The following CERS6 variants were observed in gnomAD, a reference collection of about 807,000 sequenced individuals.
CERS6 encodes the protein ceramide synthase 6.
Under a neutral mutation model 56.8 loss-of-function variants are expected in CERS6, and 26 were observed. The ratio of observed to expected loss-of-function variants is 0.46; its 90% CI spans 0.34 to 0.63. CERS6 has a LOEUF of 0.63. CERS6 is among the 30% of genes least tolerant of loss of function. The pLI, the probability that CERS6 is intolerant of heterozygous loss-of-function variation, is 0.01. For missense variants in CERS6, 415 were observed against 467.5 expected (o/e 0.89, Z 1.04); for synonymous variants, 164 against 173.3 (o/e 0.95, Z 0.42).
chr2:168,750,655 CATTA>C (rs958267506), intron 8 of CERS6, among the ~76,000 whole-genome samples: 38 of 152,112 alleles, frequency 2.5e-4, no homozygotes, highest in African/African-American at 9.2e-4. Flanking sequence ...TATTTTAGGG[CATTA>C]ATTAGGATGT....
At chr2:168,514,405 T>C (rs1694849823) in intron 1 of CERS6, among the ~76,000 whole-genome samples, 2 of 152,362 alleles carry the variant, frequency 1.3e-5, no homozygotes, top group African/African-American at 4.8e-5. Flanking sequence ...AATAGCCATT[T>C]ATTGATTACA....
chr2:168,705,729 G>A (rs948143418), intron 6 of CERS6, among the ~76,000 whole-genome samples: 2 of 152,128 alleles, frequency 1.3e-5, no homozygotes, highest in Non-Finnish European at 2.9e-5. Flanking sequence ...GGATGTTTCT[G>A]ATTTTAGTAG....
At chr2:168,595,906 A>G (rs974652878) in intron 3 of CERS6, among the ~76,000 whole-genome samples, 3 of 151,994 alleles carry the variant, frequency 2.0e-5, no homozygotes, top group Non-Finnish European at 4.4e-5. Flanking sequence ...CGGACTTCAT[A>G]TTTTCTTCCA....
intron 1 of CERS6, among the ~76,000 whole-genome samples, chr2:168,532,773 TA>T (rs1333255359): frequency 2.0e-5 from 3 of 152,212 alleles, no homozygotes; most frequent in Non-Finnish European, 2.9e-5. Flanking sequence ...AAACATTTTT[TA>T]AAGAATATAA....
chr2:168,654,143 G>C (rs547684924), intron 4 of CERS6, among the ~76,000 whole-genome samples: 78 of 152,254 alleles, frequency 5.1e-4, no homozygotes, highest in Middle Eastern at 6.8e-3. Context: ...TAGAATATTA[G>C]GTAAAATGAT....
intron 4 of CERS6, among the ~76,000 whole-genome samples, chr2:168,674,028 C>T (rs1289992871): frequency 6.6e-6 from 1 of 152,076 alleles, no homozygotes; most frequent in African/African-American, 2.4e-5. Context: ...TGTTTGGAGT[C>T]ATGATTCGTA....
intron 1 of CERS6, among the ~76,000 whole-genome samples, chr2:168,470,602 C>G (rs1558961631): frequency 1.3e-5 from 2 of 152,160 alleles, no homozygotes; most frequent in African/African-American, 4.8e-5. Flanking sequence ...AGACCATAAA[C>G]TTTTTTGTTT....
At chr2:168,629,887 C>T (rs958726651) in intron 3 of CERS6, among the ~76,000 whole-genome samples, 5 of 151,266 alleles carry the variant, frequency 3.3e-5, no homozygotes, top group African/African-American at 1.2e-4. Context: ...GGGATCTCGG[C>T]TCACTGCAAG....
rs1196447914 is a variant in CERS6, at chr2:168,769,750, T to A, written c.*88T>A. The A allele has an allele frequency of 7.2e-7, 1 of 1,381,948 alleles. No individual in the cohort carries two copies. Among genetic ancestry groups the A allele is most frequent in the African/African-American group, 1.5e-5 (1 of 68,634 alleles). 85.6% of individuals were successfully genotyped at this position (1,381,948 alleles called of 1,614,324 possible). A position where few individuals can be genotyped will look rare whatever the true frequency, so the allele number is the denominator to read the frequency against. ...TGCAAATGCAGTTCCTTTCATAATA[T>A]CTCAGCACCAGAAACAAAAATTAAG... On this transcript the variant is annotated 3_prime_UTR_variant, in exon 10 of 10. Coordinates refer to ENST00000305747, the MANE Select transcript of CERS6 (RefSeq NM_203463.3).
At chr2:168,623,943 A>C (rs559526071) in intron 3 of CERS6, among the ~76,000 whole-genome samples, 1 of 152,200 alleles carries the variant, frequency 6.6e-6, no homozygotes, top group African/African-American at 2.4e-5. Flanking sequence ...TGGGTCTTCT[A>C]TCTGTAGAAT....
At chr2:168,474,833 CA>C (rs1694040947) in intron 1 of CERS6, among the ~76,000 whole-genome samples, 1 of 152,144 alleles carries the variant, frequency 6.6e-6, no homozygotes, top group Admixed American at 6.5e-5. Flanking sequence ...TCCTTTACAA[CA>C]AATAAAAGTC....
chr2:168,484,574 A>G (rs1426258414), intron 1 of CERS6, among the ~76,000 whole-genome samples: 1 of 152,100 alleles, frequency 6.6e-6, no homozygotes, highest in African/African-American at 2.4e-5. Context: ...TAGACACATA[A>G]TCATTAAGTG....
intron 3 of CERS6, among the ~76,000 whole-genome samples, chr2:168,614,940 C>T (rs1337112793): frequency 6.6e-6 from 1 of 152,100 alleles, no homozygotes; most frequent in African/African-American, 2.4e-5. Flanking sequence ...ATTAAACAAC[C>T]AAAACTTAAG....
intron 3 of CERS6, among the ~76,000 whole-genome samples, chr2:168,602,564 A>T (rs1683960676): frequency 6.6e-6 from 1 of 152,244 alleles, no homozygotes; most frequent in Admixed American, 6.5e-5. Context: ...GTATTCAGAG[A>T]GTTTAAATGA....
intron 6 of CERS6, 48 bp downstream of exon 6, chr2:168,695,099 G>A: frequency 6.8e-7 from 1 of 1,470,616 alleles, no homozygotes; most frequent in East Asian, 2.3e-5. Flanking sequence ...CATCTTTAAT[G>A]GCCCTTAGCA....
chr2:168,631,441 TTATATTA>T (rs1472308252), intron 4 of CERS6, among the ~76,000 whole-genome samples: 2 of 130,300 alleles, frequency 1.5e-5, no homozygotes, highest in Non-Finnish European at 3.1e-5. Context: ...AAATATATAT[TTATATTA>T]TATATTATAT....
chr2:168,571,365 T>C (rs1197359653), intron 3 of CERS6, among the ~76,000 whole-genome samples: 1 of 152,076 alleles, frequency 6.6e-6, no homozygotes, highest in East Asian at 1.9e-4. Context: ...AATTTGTCTA[T>C]TTGTCCTGAA....
At chr2:168,723,280 A>G (rs747971464) in intron 8 of CERS6, among the ~76,000 whole-genome samples, 5 of 152,226 alleles carry the variant, frequency 3.3e-5, no homozygotes, top group Non-Finnish European at 7.4e-5. Context: ...AGTTGCACAC[A>G]GTGGCCATTA....
At chr2:168,565,444 A>G (rs1178723125) in intron 3 of CERS6, among the ~76,000 whole-genome samples, 1 of 152,220 alleles carries the variant, frequency 6.6e-6, no homozygotes, top group Non-Finnish European at 1.5e-5. Context: ...GAAATACTAA[A>G]AGGTGAAATT....
Sources: gnomAD v4.1 joint callset for allele counts (sites outside exome capture counted in the v4.1 genomes callset) on GRCh38, gnomAD v4.1.1 for gene constraint, MANE v1.5 for transcripts, NCBI Gene and HGNC (gene_info 2026-07-23, HGNC 2026-07-21) for gene names.